FAT4: variants seen among roughly 807,000 people sequenced by gnomAD.
FAT4 encodes FAT atypical cadherin 4.
A neutral mutation model predicts 303.9 loss-of-function variants in FAT4; 84 were observed. The ratio of observed to expected loss-of-function variants is 0.28; its 90% CI spans 0.23 to 0.33. The LOEUF is 0.33. FAT4 is among the 10% of genes least tolerant of loss of function. The probability of loss-of-function intolerance (pLI) is 1.00; values close to 1 mark genes in which losing one functional copy is unlikely to be tolerated. For missense variants in FAT4, 6,005 were observed against 6,146.8 expected (o/e 0.98, Z 0.77); for synonymous variants, 2,307 against 2,298.8 (o/e 1.00, Z -0.10).
rs1730756671 is a variant in FAT4, at chr4:125,318,572, A to G, written c.2161A>G (p.Asn721Asp). 1 of 1,614,130 alleles carries G rather than the reference A, an allele frequency of 6.2e-7. No homozygotes were observed. The highest frequency in any genetic ancestry group is 2.2e-5 in the East Asian group (1 of 44,870). ...VSATDPDLGT[N>D]GTVKYSISAG... ...TGCCACTGACCCAGACTTGGGTACC[A>G]ATGGTACTGTCAAATATAGCATATC... Residue 721 changes from asparagine (N) to aspartate (D), a missense_variant, in exon 2 of 18, where the codon AAT becomes GAT. Physicochemically the swap from Asn to Asp is conservative, Grantham distance 23 (BLOSUM62 1). Transcript: ENST00000394329.
In FAT4 at chr4:125,481,543, A is replaced by T; in HGVS notation, c.12627A>T (p.Leu4209Phe). 6.2e-7 allele frequency: 1 copy of T among 1,613,830 alleles called. No individual in the cohort carries two copies. The highest frequency in any genetic ancestry group is 8.5e-7 in the Non-Finnish European group (1 of 1,179,822). Residue 4209 changes from leucine to phenylalanine, a missense_variant, in exon 16 of 18, where the codon TTA becomes TTT. Transcript: ENST00000394329. ...CAGCTGTTACTCCTGACACTGCCTT[A>T]TCATTAGAAGGCAAAGGGCGCTTGG... ...CEKSVTPDTA[L>F]SLEGKGRLDY...
chr4:125,316,417 C>T lies in FAT4; in HGVS notation c.6C>T (p.Asp2=). The T allele has an allele frequency of 6.2e-7, 1 of 1,608,430 alleles. No individual in the cohort carries two copies. The highest frequency in any genetic ancestry group is 8.5e-7 in the Non-Finnish European group (1 of 1,176,414). Residue 2 remains aspartate (D), a synonymous_variant, in exon 2 of 18, where the codon GAC becomes GAT. Coordinates refer to ENST00000394329, the MANE Select transcript of FAT4 (RefSeq NM_001291303.3). This position sits in a 1 kb window ranked among gnomAD's most constrained non-coding sequence, Gnocchi z 5.7. ...CGTTTTAGGGAGCCAGGACCATGGA[C>T]TTAGCACCAGACAGGGCTACTGGCC... is the stretch of plus-strand genomic sequence containing the variant. M[D]LAPDRATGRP... is the part of the protein sequence containing the mutation.
At chr4:125,465,410 A>C (rs1726627863) in intron 11 of FAT4, among the ~76,000 whole-genome samples, 1 of 152,270 alleles carries the variant, frequency 6.6e-6, no homozygotes, top group Middle Eastern at 3.4e-3. Flanking sequence ...TCATGGTTTA[A>C]CTTAACATTT....
At chr4:125,463,723 A>G in intron 11 of FAT4, 56 bp downstream of exon 11, 2 of 1,279,752 alleles carry the variant, frequency 1.6e-6, no homozygotes, top group Non-Finnish European at 2.2e-6. Flanking sequence ...CACACAGTTT[A>G]GCAATTTTGT....
chr4:125,487,966 C>T (rs1438503816), intron 17 of FAT4, among the ~76,000 whole-genome samples: 1 of 152,150 alleles, frequency 6.6e-6, no homozygotes, highest in Non-Finnish European at 1.5e-5. Flanking sequence ...CAGCCACTCT[C>T]TTCATAGACC....
chr4:125,389,137 T>A (rs935430456), intron 2 of FAT4, among the ~76,000 whole-genome samples: 1 of 152,192 alleles, frequency 6.6e-6, no homozygotes, highest in African/African-American at 2.4e-5. Context: ...AAAATGTGTA[T>A]GCTTCTTTCA....
At chr4:125,477,399 C>A in intron 14 of FAT4, 65 bp downstream of exon 14, 2 of 1,328,900 alleles carry the variant, frequency 1.5e-6, no homozygotes, top group Non-Finnish European at 1.0e-6. Flanking sequence ...CTTCAGTGAG[C>A]ATCAAAAGAT....
intron 3 of FAT4, 99 bp from the exon 4 acceptor site, chr4:125,406,781 C>A: frequency 7.4e-7 from 1 of 1,351,418 alleles, no homozygotes; most frequent in Non-Finnish European, 1.0e-6. Context: ...GAACTTAAAG[C>A]CAAAAAGCCT....
intron 2 of FAT4, among the ~76,000 whole-genome samples, chr4:125,363,542 C>G (rs1732752052): frequency 6.6e-6 from 1 of 151,636 alleles, no homozygotes; most frequent in Admixed American, 6.6e-5. Context: ...TATTGCCAGC[C>G]TGGAGTGCAG....
chr4:125,318,296 C>G lies in FAT4; in HGVS notation c.1885C>G (p.Arg629Gly). 1 of 1,614,178 alleles carries G rather than the reference C, an allele frequency of 6.2e-7. No homozygotes were observed. Residue 629 changes from arginine (R) to glycine (G), a missense_variant, in exon 2 of 18, where the codon CGG (arginine) becomes GGG (glycine). Arg to Gly is a moderately radical substitution (Grantham distance 125). Coordinates refer to ENST00000394329, the MANE Select transcript of FAT4 (RefSeq NM_001291303.3). ...RFSLQEAETD[R>G]RSFRLDPVSG... is the part of the protein sequence containing the mutation. The stretch of plus-strand genomic sequence containing the variant: ...CTCCTTACAAGAGGCAGAGACTGAC[C>G]GGAGGTCCTTCCGTCTGGATCCTGT...
At chr4:125,419,240 G>C (rs564694202) in intron 7 of FAT4, among the ~76,000 whole-genome samples, 1 of 152,222 alleles carries the variant, frequency 6.6e-6, no homozygotes, top group African/African-American at 2.4e-5. Flanking sequence ...GCTTAGTAAG[G>C]CCAAAGTAAC....
At chr4:125,349,979 T>TTA (rs1167556758) in intron 2 of FAT4, among the ~76,000 whole-genome samples, 1 of 151,774 alleles carries the variant, frequency 6.6e-6, no homozygotes, top group African/African-American at 2.4e-5. Context: ...CGTCAGTTTT[T>TTA]TATGTATGGA....
At position 125,415,352 on chromosome 4, in the gene FAT4, G is replaced by A. The variant is rs1735004674; in HGVS notation, c.6389G>A (p.Gly2130Asp). The A allele has an allele frequency of 6.2e-7, 1 of 1,613,892 alleles. No individual in the cohort carries two copies. Residue 2130 changes from glycine to aspartate, a missense_variant, in exon 6 of 18, where the codon GGT becomes GAT. By Grantham distance (94) the Gly-to-Asp change is moderately conservative. Coordinates refer to ENST00000394329, the MANE Select transcript of FAT4 (RefSeq NM_001291303.3). ...CTAACAGTGGTGGCTACAGACAAAG[G>A]TCAACCATCTCTCTCTTCATCTACA... Reference protein sequence around the residue: ...YTLTVVATDKGQPSLSSSTEV... With the variant: ...YTLTVVATDKDQPSLSSSTEV...
At chr4:125,358,479 C>T (rs901883460) in intron 2 of FAT4, among the ~76,000 whole-genome samples, 1 of 152,032 alleles carries the variant, frequency 6.6e-6, no homozygotes, top group African/African-American at 2.4e-5. Context: ...TAAAGGGATA[C>T]AGTGACAGAT....
chr4:125,448,403 T>C, intron 9 of FAT4, 58 bp from the exon 10 acceptor site: 2 of 1,482,780 alleles, frequency 1.3e-6, no homozygotes, highest in Non-Finnish European at 1.8e-6. Flanking sequence ...ACTTATCTGC[T>C]ACCAAATATT....
chr4:125,448,231 G>A (rs976084404), intron 9 of FAT4, among the ~76,000 whole-genome samples: 12 of 152,036 alleles, frequency 7.9e-5, no homozygotes, highest in Non-Finnish European at 1.2e-4. Flanking sequence ...AAATCCAACA[G>A]ACTGTATAAA....
chr4:125,412,090 G>A (rs1464896194), intron 5 of FAT4, among the ~76,000 whole-genome samples: 1 of 151,622 alleles, frequency 6.6e-6, no homozygotes, highest in Non-Finnish European at 1.5e-5. Context: ...ACAATAATGT[G>A]TTTACTGTCT....
chr4:125,319,469 G>A lies in FAT4; in HGVS notation c.3058G>A (p.Ala1020Thr), dbSNP rs750047850. 1.2e-6 allele frequency: 2 copies of A among 1,613,796 alleles called. No homozygotes were observed. Among genetic ancestry groups the A allele is most frequent in the African/African-American group, 1.3e-5 (1 of 75,028 alleles). ...GAATTCTCGATTCTTTAAAGTACAAGCTTCTGATAAGGATTCAGGAGCAAA... is the reference window on the plus strand; with the variant it reads ...GAATTCTCGATTCTTTAAAGTACAAACTTCTGATAAGGATTCAGGAGCAAA... ...PVNSRFFKVQ[A>T]SDKDSGANGE... The change falls in exon 2 of 18, where the codon GCT becomes ACT. Residue 1020 changes from alanine (A) to threonine (T), a missense_variant. Physicochemically the swap from Ala to Thr is moderately conservative, Grantham distance 58. Coordinates refer to ENST00000394329, the MANE Select transcript of FAT4 (RefSeq NM_001291303.3).
chr4:125,365,333 T>C (rs2125987749), intron 2 of FAT4, among the ~76,000 whole-genome samples: 1 of 152,300 alleles, frequency 6.6e-6, no homozygotes, highest in Middle Eastern at 3.4e-3. Flanking sequence ...TCCATGAAAG[T>C]AGCCACGAGC....
Sources: gnomAD v4.1 joint callset for allele counts (sites outside exome capture counted in the v4.1 genomes callset) on GRCh38, gnomAD v4.1.1 for gene constraint, Gnocchi (gnomAD v3.1) non-coding constraint, MANE v1.5 for transcripts, NCBI Gene and HGNC (gene_info 2026-07-23, HGNC 2026-07-21) for gene names.